The following FUT8 variants were observed in gnomAD, a reference collection of about 807,000 sequenced individuals.
The protein encoded by FUT8 is alpha-(1,6)-fucosyltransferase.
FUT8 carries 29 observed loss-of-function variants against 71.3 expected under a neutral mutation model. The observed-to-expected ratio is 0.41, with a 90% CI of 0.30 to 0.55. The LOEUF (loss-of-function observed/expected upper bound fraction) is 0.55, where lower values mean the gene tolerates loss of function less well. Ranked by LOEUF, FUT8 falls within the 20% of genes least tolerant of loss-of-function variation. The pLI, the probability that FUT8 is intolerant of heterozygous loss-of-function variation, is 0.34. For synonymous variants in FUT8, 254 were observed against 239.3 expected, an observed-to-expected ratio of 1.06 and a Z score of -0.57; for missense variants, 544 against 702.1, an observed-to-expected ratio of 0.77 and a Z score of 2.55.
rs529259071 is a variant in FUT8 at position 65,532,157 on chromosome 14, G to A, written c.-227-29180G>A. ...TACCCAGTAATGGGATTCCTGGATC[G>A]AATGGTAGTTCAATTTTTAGCTCTT... On this transcript the variant is annotated intron_variant, in intron 2 of 10. Coordinates refer to ENST00000673929, the MANE Select transcript of FUT8 (RefSeq NM_001371533.1). Among the ~76,000 whole-genome samples the A allele has an allele frequency of 2.5e-4, 38 of 152,194 alleles. 1 individual carries two copies. Among genetic ancestry groups the A allele is most frequent in the Non-Finnish European group, 4.1e-4 (28 of 67,978 alleles).
At chr14:65,618,071 T>G (rs1159701631) in intron 5 of FUT8, among the ~76,000 whole-genome samples, 1 of 134,824 alleles carries the variant, frequency 7.4e-6, no homozygotes, top group African/African-American at 2.7e-5. Context: ...ATATATTTAT[T>G]TATTTATTTT....
intron 2 of FUT8, among the ~76,000 whole-genome samples, chr14:65,474,922 C>T (rs1376788348): frequency 6.6e-6 from 1 of 152,174 alleles, no homozygotes; most frequent in East Asian, 1.9e-4. Flanking sequence ...CTTCTGAGCT[C>T]AAGCAGTCCT....
chr14:65,542,557 A>G (rs1435648039), intron 2 of FUT8, among the ~76,000 whole-genome samples: 1 of 152,196 alleles, frequency 6.6e-6, no homozygotes, highest in East Asian at 1.9e-4. Context: ...CAGTGATACC[A>G]TTATGATATT....
intron 1 of FUT8, among the ~76,000 whole-genome samples, chr14:65,437,614 C>A (rs976968593): frequency 6.6e-6 from 1 of 152,166 alleles, no homozygotes; most frequent in Non-Finnish European, 1.5e-5. Flanking sequence ...ATTCATATTA[C>A]TTGACATCAT....
the FUT8 span, among the ~76,000 whole-genome samples, chr14:65,395,083 C>T: frequency 1.3e-5 from 2 of 152,192 alleles, no homozygotes; most frequent in African/African-American, 4.8e-5. Flanking sequence ...CCTTTGACTC[C>T]ATATCTCACA....
At chr14:65,619,964 T>C (rs1419624902) in intron 5 of FUT8, among the ~76,000 whole-genome samples, 1 of 152,196 alleles carries the variant, frequency 6.6e-6, no homozygotes, top group Non-Finnish European at 1.5e-5. Flanking sequence ...TATGGCAGTT[T>C]AGATGTGTAC....
chr14:65,714,260 T>G (rs1894944194), intron 7 of FUT8, among the ~76,000 whole-genome samples: 1 of 152,144 alleles, frequency 6.6e-6, no homozygotes, highest in Non-Finnish European at 1.5e-5. Context: ...CATGCTGTTT[T>G]GGTTACTATA....
At chr14:65,724,754 C>T (rs1267744984) in intron 9 of FUT8, among the ~76,000 whole-genome samples, 1 of 152,188 alleles carries the variant, frequency 6.6e-6, no homozygotes, top group Non-Finnish European at 1.5e-5. Context: ...TTCATTTTCT[C>T]TTGGCTTGTA....
chr14:65,402,586 T>C, the FUT8 span, among the ~76,000 whole-genome samples: 3 of 151,958 alleles, frequency 2.0e-5, no homozygotes, highest in Non-Finnish European at 2.9e-5. Context: ...GAGAATGGCA[T>C]GAACTAGGGA....
intron 6 of FUT8, among the ~76,000 whole-genome samples, chr14:65,659,556 T>G (rs1210161563): frequency 6.6e-6 from 1 of 152,154 alleles, no homozygotes; most frequent in African/African-American, 2.4e-5. Flanking sequence ...AAGTACTTCA[T>G]CTTTTACACT....
intron 2 of FUT8, among the ~76,000 whole-genome samples, chr14:65,542,620 G>T (rs1287095551): frequency 2.0e-5 from 3 of 152,150 alleles, no homozygotes; most frequent in African/African-American, 7.2e-5. Flanking sequence ...CATGTCTCTT[G>T]TATGAAGAGT....
chr14:65,654,781 C>T (rs564313913), intron 6 of FUT8, among the ~76,000 whole-genome samples: 8 of 151,670 alleles, frequency 5.3e-5, no homozygotes, highest in Admixed American at 3.9e-4. Flanking sequence ...AATAAAGTGG[C>T]GTACTTAAAT....
intron 2 of FUT8, among the ~76,000 whole-genome samples, chr14:65,495,059 T>G (rs917946706): frequency 6.6e-6 from 1 of 152,156 alleles, no homozygotes; most frequent in Middle Eastern, 3.4e-3. Flanking sequence ...ACATGGTGTT[T>G]GTTGGTTTAG....
rs188459133 is a variant in FUT8, at chr14:65,429,261, C to G, written c.-326+16047C>G. 2.6e-5 allele frequency among the ~76,000 whole-genome samples: 4 copies of G among 152,208 alleles called. No homozygotes were observed. In the East Asian group the frequency reaches 7.7e-4, roughly 29 times the overall value. On this transcript the variant is annotated intron_variant, in intron 1 of 10. Coordinates refer to ENST00000673929, the MANE Select transcript of FUT8 (RefSeq NM_001371533.1). The stretch of plus-strand genomic sequence containing the variant: ...AAACCTTCAGGGCTTGTTATTTTAC[C>G]TACAGTAGTAGGAAGTATGGCTATT...
At chr14:65,471,031 T>C in intron 2 of FUT8, 1 of 447,896 alleles carries the variant, frequency 2.2e-6, no homozygotes. Context: ...AATCCTTAAA[T>C]GGGGTCTGAG....
intron 2 of FUT8, among the ~76,000 whole-genome samples, chr14:65,500,402 T>A (rs542406371): frequency 1.3e-5 from 2 of 152,280 alleles, no homozygotes; most frequent in South Asian, 2.1e-4. Flanking sequence ...TCCTGGATCA[T>A]TCTCTTGTGA....
At chr14:65,564,639 A>G (rs933800740) in intron 3 of FUT8, among the ~76,000 whole-genome samples, 8 of 151,758 alleles carry the variant, frequency 5.3e-5, no homozygotes, top group African/African-American at 1.7e-4. Context: ...GATGAATTCT[A>G]CCTCCCTCTA....
intron 6 of FUT8, among the ~76,000 whole-genome samples, chr14:65,650,889 A>G (rs188393295): frequency 6.6e-6 from 1 of 152,158 alleles, no homozygotes; most frequent in Non-Finnish European, 1.5e-5. Flanking sequence ...ATATCTATCC[A>G]GTTGCAGTCC....
chr14:65,622,258 T>G (rs1337550127), intron 5 of FUT8, among the ~76,000 whole-genome samples: 1 of 151,832 alleles, frequency 6.6e-6, no homozygotes, highest in Non-Finnish European at 1.5e-5. Context: ...TTCTGAGCTT[T>G]TTCTCTTCTA....
Sources: allele counts gnomAD v4.1 joint callset (sites outside exome capture counted in the v4.1 genomes callset), GRCh38; gene constraint gnomAD v4.1.1; transcripts MANE v1.5; gene names NCBI Gene and HGNC (gene_info 2026-07-23, HGNC 2026-07-21).